The following ENPP6 variants were observed in gnomAD, a reference collection of about 807,000 sequenced individuals.
The protein encoded by ENPP6 is glycerophosphocholine cholinephosphodiesterase ENPP6.
ENPP6 carries 32 observed loss-of-function variants against 42.0 expected under a neutral mutation model. That is an observed-to-expected ratio of 0.76 (90% confidence interval 0.58 to 1.02). The LOEUF (loss-of-function observed/expected upper bound fraction) is 1.02, where lower values mean the gene tolerates loss of function less well. Among genes scored for constraint, ENPP6 ranks in the 50% least tolerant of loss-of-function variants. The pLI is 0.00. For missense variants in ENPP6, 552 were observed against 566.8 expected, an observed-to-expected ratio of 0.97 and a Z score of 0.27; for synonymous variants, 213 against 216.0, an observed-to-expected ratio of 0.99 and a Z score of 0.12.
At chr4:184,180,130 T>C (rs1289139915) in intron 1 of ENPP6, among the ~76,000 whole-genome samples, 6 of 151,554 alleles carry the variant, frequency 4.0e-5, no homozygotes, top group African/African-American at 1.5e-4. Flanking sequence ...GCTAGACTAA[T>C]AAAGAAGAAA....
At chr4:184,180,706 A>G (rs1005066029) in intron 1 of ENPP6, among the ~76,000 whole-genome samples, 1 of 152,244 alleles carries the variant, frequency 6.6e-6, no homozygotes, top group African/African-American at 2.4e-5. Context: ...CTGATTCAAC[A>G]TACACAAATC....
At chr4:184,166,488 G>T (rs1454780027) in intron 1 of ENPP6, among the ~76,000 whole-genome samples, 1 of 152,156 alleles carries the variant, frequency 6.6e-6, no homozygotes, top group East Asian at 1.9e-4. Flanking sequence ...TAATTTTCCT[G>T]CATAAGGACA....
intron 1 of ENPP6, among the ~76,000 whole-genome samples, chr4:184,205,311 A>G (rs911328518): frequency 6.6e-6 from 1 of 152,338 alleles, no homozygotes; most frequent in East Asian, 1.9e-4. Flanking sequence ...AGTAAGAGGG[A>G]GAGAGAGCGC....
intron 3 of ENPP6, among the ~76,000 whole-genome samples, chr4:184,118,299 A>G (rs1736360102): frequency 6.6e-6 from 1 of 152,254 alleles, no homozygotes; most frequent in South Asian, 2.1e-4. Flanking sequence ...ATGTAGGGAA[A>G]AATCCGATTA....
At chr4:184,172,572 G>T (rs1394064343) in intron 1 of ENPP6, among the ~76,000 whole-genome samples, 1 of 152,204 alleles carries the variant, frequency 6.6e-6, no homozygotes, top group Non-Finnish European at 1.5e-5. Context: ...GACTTGGGAG[G>T]ACATAAGGCG....
chr4:184,118,001 A>G, intron 3 of ENPP6, 101 bp from the exon 4 acceptor site: 1 of 1,433,150 alleles, frequency 7.0e-7, no homozygotes, highest in Non-Finnish European at 9.3e-7. Context: ...CGCCCCCCGA[A>G]ACCTTGTCCC....
At chr4:184,098,030 G>C (rs924692848) in intron 6 of ENPP6, among the ~76,000 whole-genome samples, 1 of 152,252 alleles carries the variant, frequency 6.6e-6, no homozygotes, top group Admixed American at 6.5e-5. Context: ...TGGAAGCTCT[G>C]CGTGCCTCAC....
intron 3 of ENPP6, among the ~76,000 whole-genome samples, chr4:184,123,655 A>T (rs935356816): frequency 4.6e-5 from 7 of 152,168 alleles, no homozygotes; most frequent in Non-Finnish European, 8.8e-5. Context: ...AGAGAGCATT[A>T]CTAATTCCTA....
At chr4:184,117,949 T>C in intron 3 of ENPP6, 49 bp from the exon 4 acceptor site, 1 of 1,592,164 alleles carries the variant, frequency 6.3e-7, no homozygotes, top group Non-Finnish European at 8.6e-7. Flanking sequence ...CCCCGCCAGC[T>C]TGCTCCCTTA....
At chr4:184,128,443 A>G (rs1309403941) in intron 2 of ENPP6, among the ~76,000 whole-genome samples, 1 of 152,126 alleles carries the variant, frequency 6.6e-6, no homozygotes, top group Non-Finnish European at 1.5e-5. Context: ...AGCCTCTCAA[A>G]GTGCTGGAAT....
chr4:184,139,154 A>T (rs1450561693), intron 2 of ENPP6, among the ~76,000 whole-genome samples: 4 of 152,202 alleles, frequency 2.6e-5, no homozygotes, highest in Admixed American at 1.3e-4. Context: ...CCACAGTGAA[A>T]TCCCAAAAGG....
At position 184,127,128 on chromosome 4, in the gene ENPP6, A is replaced by T. The variant is rs144849015; in HGVS notation, c.422-2856T>A. 5.2e-3 allele frequency among the ~76,000 whole-genome samples: 796 copies of T among 152,340 alleles called. 9 individuals are homozygous for T. The highest frequency in any genetic ancestry group is 0.038 in the South Asian group (182 of 4,834). On this transcript the variant is annotated intron_variant, in intron 2 of 7. Coordinates refer to ENST00000296741, the MANE Select transcript of ENPP6 (RefSeq NM_153343.4). ...TTGATAACAATATATTATGGACTTTACAACATACGTAAAAGTAAAACATAT... is the reference window on the plus strand; with the variant it reads ...TTGATAACAATATATTATGGACTTTTCAACATACGTAAAAGTAAAACATAT...
intron 7 of ENPP6, among the ~76,000 whole-genome samples, chr4:184,093,404 C>T (rs1271595263): frequency 5.3e-5 from 8 of 151,474 alleles, no homozygotes; most frequent in Non-Finnish European, 7.4e-5. Context: ...TTTGGGAGGC[C>T]GAGGTGGGCA....
chr4:184,101,979 C>T (rs563645170), intron 6 of ENPP6, among the ~76,000 whole-genome samples: 3 of 152,340 alleles, frequency 2.0e-5, no homozygotes, highest in South Asian at 2.1e-4. Context: ...TCTCTCTGGG[C>T]GCCTGCACTC....
chr4:184,180,359 A>T (rs1206081960), intron 1 of ENPP6, among the ~76,000 whole-genome samples: 1 of 152,244 alleles, frequency 6.6e-6, no homozygotes, highest in African/African-American at 2.4e-5. Context: ...AAATTGAGCC[A>T]GTAATAAATA....
intron 7 of ENPP6, among the ~76,000 whole-genome samples, chr4:184,092,639 C>T (rs1735829846): frequency 6.6e-6 from 1 of 152,192 alleles, no homozygotes; most frequent in Non-Finnish European, 1.5e-5. Context: ...TTTAGTAATA[C>T]ACAAAAGCAA....
At chr4:184,175,772 T>C (rs899219686) in intron 1 of ENPP6, among the ~76,000 whole-genome samples, 1 of 152,078 alleles carries the variant, frequency 6.6e-6, no homozygotes, top group Admixed American at 6.5e-5. Flanking sequence ...GTGTGGCATA[T>C]GAGAAGAGAG....
intron 5 of ENPP6, among the ~76,000 whole-genome samples, chr4:184,113,899 T>TTTTCTTTCTTTCTTTCTC (rs1736257444): frequency 8.7e-5 from 9 of 103,712 alleles, no homozygotes; most frequent in African/African-American, 3.4e-4. Context: ...CCTTTCTTTC[T>TTTTCTTTCTTTCTTTCTC]TTTCTTTCTT....
intron 1 of ENPP6, among the ~76,000 whole-genome samples, chr4:184,160,226 A>G (rs1450633374): frequency 6.6e-6 from 1 of 152,232 alleles, no homozygotes; most frequent in African/African-American, 2.4e-5. Flanking sequence ...AGGAATCTCC[A>G]TACTGTTTTC....
Sources: gnomAD v4.1 joint callset for allele counts (sites outside exome capture counted in the v4.1 genomes callset) on GRCh38, gnomAD v4.1.1 for gene constraint, MANE v1.5 for transcripts, NCBI Gene and HGNC (gene_info 2026-07-23, HGNC 2026-07-21) for gene names.